ZPBP: variants seen among roughly 807,000 people sequenced by gnomAD.
The protein encoded by ZPBP is zona pellucida-binding protein 1.
In ZPBP, 26 loss-of-function variants were observed where a neutral mutation model predicts 44.8. That is an observed-to-expected ratio of 0.58 (90% CI 0.43 to 0.81). The LOEUF is 0.81. Among genes scored for constraint, ZPBP ranks in the 30% least tolerant of loss-of-function variants. The pLI is 0.00. For missense variants in ZPBP, 409 were observed against 434.0 expected, an observed-to-expected ratio of 0.94 and a Z score of 0.51; for synonymous variants, 174 against 153.2, an observed-to-expected ratio of 1.14 and a Z score of -1.00.
intron 2 of ZPBP, among the ~76,000 whole-genome samples, chr7:49,860,391 T>A (rs117843089): frequency 2.1e-4 from 32 of 152,368 alleles, no homozygotes; most frequent in Non-Finnish European, 4.3e-4. Context: ...CTTACCATAA[T>A]GTTTTCAAGG....
At chr7:50,014,695 C>T (rs1159193698) in intron 6 of ZPBP, among the ~76,000 whole-genome samples, 1 of 151,764 alleles carries the variant, frequency 6.6e-6, no homozygotes, top group African/African-American at 2.4e-5. Flanking sequence ...GAACTCCTGA[C>T]CTCAAGTAAT....
At position 50,074,268 on chromosome 7, in the gene ZPBP, G is replaced by A. The variant is rs1472377943; in HGVS notation, c.334+7506C>T. The stretch of plus-strand genomic sequence containing the variant: ...GCAAGCCTCATGGTAACCTAAAACC[G>A]AAAAGCATACAATGGATACACAAAA... On this transcript the variant is annotated intron_variant, in intron 3 of 7. Coordinates refer to ENST00000046087, the MANE Select transcript of ZPBP (RefSeq NM_007009.3). 4.0e-5 allele frequency among the ~76,000 whole-genome samples: 6 copies of A among 151,750 alleles called. No homozygotes were observed. The South Asian group carries it at 6.2e-4, about 16-fold the overall frequency.
At position 50,093,152 on chromosome 7, in the gene ZPBP, G is replaced by A. The variant is rs200431441; in HGVS notation, c.43C>T (p.Arg15Trp). The change falls in exon 1 of 8, where the codon CGG becomes TGG. Residue 15 changes from arginine to tryptophan, a missense_variant. Around this residue, in one of 2 missense-constraint regions of ZPBP, gnomAD observed 367 missense variants for 363.1 expected, o/e 1.01. Transcript: ENST00000046087. ...ALGPARRGRR[R>W]TRAAGSLLSR... Reference sequence around the variant, plus strand: ...AGCAGGGAGCCGGCGGCCCGGGTCCGCCGCCTGCCCCGCCGCGCTGGGCCA... The same window carrying A: ...AGCAGGGAGCCGGCGGCCCGGGTCCACCGCCTGCCCCGCCGCGCTGGGCCA... 837 of 1,540,786 alleles carry A rather than the reference G, an allele frequency of 5.4e-4. 4 individuals are homozygous for A. In the African/African-American group the frequency reaches 0.01, roughly 18 times the overall value.
chr7:49,886,751 C>T (rs963621342), intron 2 of ZPBP, among the ~76,000 whole-genome samples: 8 of 152,146 alleles, frequency 5.3e-5, no homozygotes, highest in Non-Finnish European at 7.3e-5. Flanking sequence ...ATTAATCTTT[C>T]GATTCAGCCT....
At chr7:50,001,923 T>C (rs1478949852) in intron 6 of ZPBP, among the ~76,000 whole-genome samples, 5 of 152,144 alleles carry the variant, frequency 3.3e-5, no homozygotes, top group Admixed American at 2.6e-4. Flanking sequence ...TGTATTTTTT[T>C]TACATAGGTC....
intron 6 of ZPBP, among the ~76,000 whole-genome samples, chr7:50,003,872 C>G (rs1167769013): frequency 6.6e-6 from 1 of 152,050 alleles, no homozygotes; most frequent in Non-Finnish European, 1.5e-5. Flanking sequence ...GAAACCAACC[C>G]TAAAAAACAC....
chr7:50,050,856 C>T (rs903337764), intron 4 of ZPBP, among the ~76,000 whole-genome samples: 1 of 145,838 alleles, frequency 6.9e-6, no homozygotes, highest in Non-Finnish European at 1.5e-5. Context: ...TAGGCAATAC[C>T]ATTCAGGACA....
At chr7:49,849,715 G>C (rs964271253), downstream of ZPBP, among the ~76,000 whole-genome samples, 11 of 152,194 alleles carry the variant, frequency 7.2e-5, no homozygotes, top group African/African-American at 2.4e-4. Flanking sequence ...GTGGATGTCA[G>C]CAGAAGCCTG....
At position 50,081,796 on chromosome 7, in the gene ZPBP, C is replaced by T. The variant is rs79915261; in HGVS notation, c.312G>A (p.Gly104=). The T allele has an allele frequency of 8.3e-4, 1,343 of 1,611,294 alleles. 5 individuals are homozygous for T. The African/African-American group carries it at 0.016, about 19-fold the overall frequency. The part of the protein sequence containing the change: ...ELIDPSFQWY[G]PKGKVVSVEN... The stretch of plus-strand genomic sequence containing the variant: ...TACCTGAAACAACTTTTCCTTTAGG[C>T]CCATACCATTGGAATGATGGGTCTA... The change falls in exon 3 of 8, where the codon GGG becomes GGA. Residue 104 remains glycine (G), a synonymous_variant. Coordinates refer to ENST00000046087, the MANE Select transcript of ZPBP (RefSeq NM_007009.3).
At chr7:50,069,651 C>CT (rs1304723654) in intron 3 of ZPBP, among the ~76,000 whole-genome samples, 30 of 151,716 alleles carry the variant, frequency 2.0e-4, no homozygotes, top group East Asian at 1.9e-4. Context: ...ACCACTAAAT[C>CT]TTTTTTTTTA....
intron 1 of ZPBP, among the ~76,000 whole-genome samples, chr7:49,922,924 A>G (rs1794083681): frequency 1.3e-5 from 2 of 152,254 alleles, no homozygotes; most frequent in African/African-American, 2.4e-5. Context: ...GCAGAGGATT[A>G]GAAACCTAAA....
At chr7:49,995,585 A>G (rs1797789408) in intron 6 of ZPBP, among the ~76,000 whole-genome samples, 1 of 152,228 alleles carries the variant, frequency 6.6e-6, no homozygotes, top group Non-Finnish European at 1.5e-5. Context: ...TGCATCTTTT[A>G]AGTCCTTGAT....
rs150244703 is a variant in ZPBP, at chr7:49,858,014, C to T, written n.510-7500G>A. Reference sequence around the variant, plus strand: ...GGCTTATAGAGTTCCCCTGTAACCTCGTGTCAATGAAAGCTATACATGGTA... The same window carrying T: ...GGCTTATAGAGTTCCCCTGTAACCTTGTGTCAATGAAAGCTATACATGGTA... On this transcript the variant is annotated intron_variant and non_coding_transcript_variant, in intron 2 of 2. Transcript: ENST00000465922. 7.5e-3 allele frequency among the ~76,000 whole-genome samples: 1,140 copies of T among 152,238 alleles called. 10 individuals carry two copies. The highest frequency in any genetic ancestry group is 0.026 in the African/African-American group (1,067 of 41,530).
chr7:49,852,850 C>T (rs1583680596), intron 2 of ZPBP, among the ~76,000 whole-genome samples: 1 of 152,330 alleles, frequency 6.6e-6, no homozygotes, highest in East Asian at 1.9e-4. Context: ...GTGACTGGCT[C>T]CTTGAACTAC....
intron 2 of ZPBP, among the ~76,000 whole-genome samples, chr7:49,896,778 C>T (rs1350206256): frequency 1.3e-5 from 2 of 151,368 alleles, no homozygotes; most frequent in East Asian, 3.9e-4. Flanking sequence ...ATAAATTTAA[C>T]AAGTAAGAAG....
intron 7 of ZPBP, among the ~76,000 whole-genome samples, chr7:49,970,308 G>A (rs1366360270): frequency 6.6e-6 from 1 of 152,084 alleles, no homozygotes; most frequent in Non-Finnish European, 1.5e-5. Flanking sequence ...GAGATAGAGA[G>A]TTCTACAGTA....
At chr7:49,912,424 A>G in intron 1 of ZPBP, 1 of 424,644 alleles carries the variant, frequency 2.4e-6, no homozygotes, top group Admixed American at 3.7e-5. Context: ...CTATTTTCAC[A>G]GTAAGTACAC....
intron 6 of ZPBP, among the ~76,000 whole-genome samples, chr7:50,004,305 T>A (rs966757492): frequency 1.3e-5 from 2 of 151,956 alleles, no homozygotes; most frequent in African/African-American, 4.8e-5. Context: ...AAACTCCAGG[T>A]TTTTTAGCCT....
intron 2 of ZPBP, among the ~76,000 whole-genome samples, chr7:49,879,206 T>C (rs781613902): frequency 9.2e-5 from 14 of 152,208 alleles, no homozygotes; most frequent in Admixed American, 8.5e-4. Context: ...TCTGCCTAAA[T>C]TCCTAATTTT....
Sources: gnomAD v4.1 joint callset for allele counts (sites outside exome capture counted in the v4.1 genomes callset) on GRCh38, gnomAD v4.1.1 for gene constraint, gnomAD v4.1.1 regional missense constraint, MANE v1.5 for transcripts, NCBI Gene and HGNC (gene_info 2026-07-23, HGNC 2026-07-21) for gene names.